Variants in NGDN observed in about 807,000 individuals in gnomAD.
The protein encoded by NGDN is neuroguidin, also known as EIF4E-binding protein.
NGDN carries 41 observed loss-of-function variants against 45.2 expected under a neutral mutation model. That is an observed-to-expected ratio of 0.91 (90% CI 0.71 to 1.18). The LOEUF (loss-of-function observed/expected upper bound fraction) is 1.18, where lower values mean the gene tolerates loss of function less well. NGDN is among the 50% of genes most tolerant of loss of function. NGDN has a pLI of 0.00. For synonymous variants in NGDN, 137 were observed against 130.9 expected (o/e 1.05, Z -0.32); for missense variants, 402 against 399.9 (o/e 1.01, Z -0.05).
At position 23,475,792 on chromosome 14, in the gene NGDN, GTAT is replaced by G; in HGVS notation, c.420+16_420+18del. 1 of 1,610,366 alleles carries G rather than the reference GTAT, an allele frequency of 6.2e-7. No homozygotes were observed. The highest frequency in any genetic ancestry group is 1.1e-5 in the South Asian group (1 of 90,864). ...ATGATGAGCAAGGTAAGGGGTTGTA[GTAT>G]TCTCCTGATTTTTTTCTGAGGCAGC... On this transcript the variant is annotated intron_variant, in intron 6 of 10. Transcript: ENST00000408901.
chr14:23,471,461 T>A (rs1893776529), intron 3 of NGDN: 1 of 152,990 alleles, frequency 6.5e-6, no homozygotes, highest in African/African-American at 2.4e-5. Flanking sequence ...GGAGTTACTT[T>A]CAGATTTCAT....
At chr14:23,469,774 C>T in intron 1 of NGDN, 47 bp downstream of exon 1, 2 of 1,611,908 alleles carry the variant, frequency 1.2e-6, no homozygotes, top group South Asian at 1.1e-5. Context: ...GTGGAGTTGT[C>T]CTTTGCCTTC....
intron 4 of NGDN, 117 bp from the exon 5 acceptor site, chr14:23,475,441 C>T (rs773415533): frequency 1.5e-6 from 2 of 1,344,368 alleles, no homozygotes; most frequent in Admixed American, 2.1e-5. Context: ...TTTTTCTATT[C>T]ATTTGCTCTA....
Position 23,470,093 on chromosome 14 carries a change from C to T in NGDN, c.64C>T (p.Gln22Ter), listed in dbSNP as rs1349184893. The change falls in exon 2 of 11, where the codon CAG becomes TAG. Residue 22 changes from glutamine to a stop codon, truncating the protein, a stop_gained. Transcript: ENST00000408901. LOFTEE classifies it high-confidence loss of function. The part of the protein sequence containing the change: ...PSAVTLLKNL[Q>*]EQVMAVTAQV... ...TGCCGTGACACTTCTGAAAAATCTCCAGGAGCAAGTGAGTAGTGTCGCCTC... is the reference window on the plus strand; with the variant it reads ...TGCCGTGACACTTCTGAAAAATCTCTAGGAGCAAGTGAGTAGTGTCGCCTC... 7 of 1,613,888 alleles carry T rather than the reference C, an allele frequency of 4.3e-6. No homozygotes were observed. Among genetic ancestry groups the T allele is most frequent in the Middle Eastern group, 1.6e-4 (1 of 6,084 alleles).
At chr14:23,470,129 T>TA in intron 2 of NGDN, 28 bp downstream of exon 2, 1 of 1,601,054 alleles carries the variant, frequency 6.2e-7, no homozygotes, top group Non-Finnish European at 8.6e-7. Flanking sequence ...TGGAATAAAT[T>TA]AGTCACGGAT....
intron 4 of NGDN, 44 bp downstream of exon 4, chr14:23,475,352 T>C: frequency 6.3e-7 from 1 of 1,581,958 alleles, no homozygotes. Flanking sequence ...TTCTAAATTT[T>C]GAGCTCCAAG....
chr14:23,474,016 C>G (rs993151160), intron 3 of NGDN, among the ~76,000 whole-genome samples: 14 of 126,228 alleles, frequency 1.1e-4, no homozygotes, highest in African/African-American at 3.7e-4. Context: ...CCAGCCTGGG[C>G]GACAGAGTGA....
chr14:23,471,005 C>T, intron 3 of NGDN, 28 bp downstream of exon 3: 1 of 1,431,894 alleles, frequency 7.0e-7, no homozygotes, highest in African/African-American at 1.5e-5. Context: ...AGTAAGCATC[C>T]CCTGACTTAA....
rs184385902 is a variant in NGDN, at chr14:23,477,965, C to T, written c.929-42C>T. The T allele has an allele frequency of 3.1e-3, 5,082 of 1,614,162 alleles. 24 individuals are homozygous for T. The highest frequency in any genetic ancestry group is 0.02 in the Middle Eastern group (124 of 6,062). On this transcript the variant is annotated intron_variant, in intron 10 of 10. Coordinates refer to ENST00000408901, the MANE Select transcript of NGDN (RefSeq NM_001042635.2). Reference sequence around the variant, plus strand: ...CTGTTTTCCTGTCCCTTTAGCTTTTCCAACTGTCCTTTGCCTCATTCTTGG... The same window carrying T: ...CTGTTTTCCTGTCCCTTTAGCTTTTTCAACTGTCCTTTGCCTCATTCTTGG...
At position 23,470,081 on chromosome 14, in the gene NGDN, C is replaced by A. The variant is rs1181156882; in HGVS notation, c.52C>A (p.Leu18Met). ...ESDLPSAVTL[L>M]KNLQEQVMAV... ...CGACCTGCCAAGTGCCGTGACACTT[C>A]TGAAAAATCTCCAGGAGCAAGTGAG... The change falls in exon 2 of 11, where the codon CTG (leucine) becomes ATG (methionine). Residue 18 changes from leucine to methionine, a missense_variant. Leu to Met is a conservative substitution (Grantham distance 15, BLOSUM62 2). Coordinates refer to ENST00000408901, the MANE Select transcript of NGDN (RefSeq NM_001042635.2). 8 of 1,613,992 alleles carry A rather than the reference C, an allele frequency of 5.0e-6. No individual in the cohort carries two copies. The highest frequency in any genetic ancestry group is 6.8e-6 in the Non-Finnish European group (8 of 1,179,990).
At chr14:23,471,749 T>A (rs1383643450) in intron 3 of NGDN, 1 of 151,342 alleles carries the variant, frequency 6.6e-6, no homozygotes, top group Non-Finnish European at 1.5e-5. Flanking sequence ...AGGTTGAGGC[T>A]GCAGTAAGCT....
Position 23,477,875 on chromosome 14 carries a change from C to T in NGDN, c.929-132C>T, listed in dbSNP as rs949691269. 3.0e-5 allele frequency: 47 copies of T among 1,565,392 alleles called. No homozygotes were observed. The East Asian group carries it at 1.1e-3, about 35-fold the overall frequency. ...TTATTCCTACTTCTCGTCTTTTGTC[C>T]TGGGAAGATATTCAGGGTACTGCCT... On this transcript the variant is annotated intron_variant, in intron 10 of 10. Coordinates refer to ENST00000408901, the MANE Select transcript of NGDN (RefSeq NM_001042635.2).
chr14:23,475,274 A>G lies in NGDN; in HGVS notation c.248A>G (p.His83Arg), dbSNP rs760668652. The G allele has an allele frequency of 1.2e-6, 2 of 1,613,850 alleles. No homozygotes were observed. The highest frequency in any genetic ancestry group is 1.1e-5 in the South Asian group (1 of 91,008). ...GCCTCAGGAGGATCTCTTCAGGGACATGATGCAGTTTTGAGACTGGTGGAG... is the reference window on the plus strand; with the variant it reads ...GCCTCAGGAGGATCTCTTCAGGGACGTGATGCAGTTTTGAGACTGGTGGAG... Reference protein sequence around the residue: ...DKASGGSLQGHDAVLRLVEIR... With the variant: ...DKASGGSLQGRDAVLRLVEIR... The change falls in exon 4 of 11, where the codon CAT (histidine) becomes CGT (arginine). Residue 83 changes from histidine (H) to arginine (R), a missense_variant. Coordinates refer to ENST00000408901, the MANE Select transcript of NGDN (RefSeq NM_001042635.2).
At position 23,470,078 on chromosome 14, in the gene NGDN, C is replaced by G. The variant is rs1893738432; in HGVS notation, c.49C>G (p.Leu17Val). ...LESDLPSAVT[L>V]LKNLQEQVMA... ...GTCCGACCTGCCAAGTGCCGTGACACTTCTGAAAAATCTCCAGGAGCAAGT... is the reference window on the plus strand; with the variant it reads ...GTCCGACCTGCCAAGTGCCGTGACAGTTCTGAAAAATCTCCAGGAGCAAGT... Residue 17 changes from leucine to valine, a missense_variant, in exon 2 of 11, where the codon CTT (leucine) becomes GTT (valine). Coordinates refer to ENST00000408901, the MANE Select transcript of NGDN (RefSeq NM_001042635.2). 1 of 1,614,002 alleles carries G rather than the reference C, an allele frequency of 6.2e-7. No homozygotes were observed. Among genetic ancestry groups the G allele is most frequent in the Admixed American group, 1.7e-5 (1 of 60,008 alleles).
rs1411833668 is a variant in NGDN, at chr14:23,475,153, C to T, written c.145-18C>T. On this transcript the variant is annotated intron_variant, in intron 3 of 10. Transcript: ENST00000408901. ...GCTAAAACCAAATCTGTTTTTCTTT[C>T]TGTTTTGTTCAACTCAGGGTCTCAG... is the stretch of plus-strand genomic sequence containing the variant. 1 of 1,593,890 alleles carries T rather than the reference C, an allele frequency of 6.3e-7. No homozygotes were observed. The highest frequency in any genetic ancestry group is 1.4e-5 in the African/African-American group (1 of 73,672).
chr14:23,476,347 A>G lies in NGDN; in HGVS notation c.653A>G (p.Glu218Gly). The change falls in exon 8 of 11, where the codon GAG becomes GGG. Residue 218 changes from glutamate to glycine, a missense_variant. Glu to Gly is a moderately conservative substitution (Grantham distance 98, BLOSUM62 -2). Coordinates refer to ENST00000408901, the MANE Select transcript of NGDN (RefSeq NM_001042635.2). ...ELKEQYSDAP[E>G]EIRDARHPHV... is the part of the protein sequence containing the mutation. ...AAGGAGCAGTACTCAGATGCTCCAGAGGAAATCCGTGATGCTCGGCATCCC... is the reference window on the plus strand; with the variant it reads ...AAGGAGCAGTACTCAGATGCTCCAGGGGAAATCCGTGATGCTCGGCATCCC... 2 of 1,613,600 alleles carry G rather than the reference A, an allele frequency of 1.2e-6. No homozygotes were observed. The highest frequency in any genetic ancestry group is 1.1e-5 in the South Asian group (1 of 91,066).
At chr14:23,478,305 T>C (rs1419568946), downstream of NGDN, 2 of 383,660 alleles carry the variant, frequency 5.2e-6, no homozygotes, top group African/African-American at 2.1e-5. Flanking sequence ...TTTGATAATA[T>C]ATTTTTCCCA....
At chr14:23,473,179 A>G (rs10131725) in intron 3 of NGDN, among the ~76,000 whole-genome samples, 100,036 of 151,860 alleles carry the variant, frequency 0.66, 34,585 homozygotes, top group Non-Finnish European at 0.77. Flanking sequence ...TTGTATTTTT[A>G]GTAAAGACGA....
chr14:23,470,718 GT>G (rs5807217), intron 2 of NGDN, among the ~76,000 whole-genome samples, 187 bp from the exon 3 acceptor site: 114,588 of 149,286 alleles, frequency 0.77, 44,061 homozygotes, highest in Non-Finnish European at 0.83. Context: ...GAAGTGGAAA[GT>G]TTTTTTTTTT....
Sources: allele counts gnomAD v4.1 joint callset (sites outside exome capture counted in the v4.1 genomes callset), GRCh38; gene constraint gnomAD v4.1.1; transcripts MANE v1.5; gene names NCBI Gene and HGNC (gene_info 2026-07-23, HGNC 2026-07-21).